VWA8: variants seen among roughly 807,000 people sequenced by gnomAD.
The protein encoded by VWA8 is von Willebrand factor A domain containing 8, also known as von Willebrand factor A domain-containing protein 8.
A neutral mutation model predicts 241.5 loss-of-function variants in VWA8; 221 were observed. The ratio of observed to expected loss-of-function variants is 0.91; its 90% CI spans 0.82 to 1.02. The LOEUF is 1.02. VWA8 is among the 50% of genes least tolerant of loss of function. The pLI, the probability that VWA8 is intolerant of heterozygous loss-of-function variation, is 0.00. For missense variants in VWA8, 2,322 were observed against 2,328.7 expected, an observed-to-expected ratio of 1.00 and a Z score of 0.06; for synonymous variants, 852 against 827.1, an observed-to-expected ratio of 1.03 and a Z score of -0.52.
At chr13:41,609,385 T>A (rs975791735) in intron 39 of VWA8, among the ~76,000 whole-genome samples, 5 of 152,164 alleles carry the variant, frequency 3.3e-5, no homozygotes, top group African/African-American at 1.2e-4. Flanking sequence ...TATTGTGAGT[T>A]TGTATTTTTT....
At chr13:41,888,821 A>G (rs1318718113) in intron 5 of VWA8, among the ~76,000 whole-genome samples, 1 of 152,224 alleles carries the variant, frequency 6.6e-6, no homozygotes, top group Non-Finnish European at 1.5e-5. Context: ...AATTTTAAAA[A>G]TAATAATTAT....
intron 2 of VWA8, among the ~76,000 whole-genome samples, chr13:41,944,818 G>C (rs1237346026): frequency 7.0e-6 from 1 of 143,454 alleles, no homozygotes; most frequent in Non-Finnish European, 1.5e-5. Flanking sequence ...CTAACTCGGG[G>C]CATTTGTCAA....
intron 12 of VWA8, among the ~76,000 whole-genome samples, chr13:41,849,742 C>T (rs7991382): frequency 0.061 from 9,321 of 152,044 alleles, 359 homozygotes; most frequent in East Asian, 0.12. Flanking sequence ...CAAAAAGTGG[C>T]CGGGCACGAT....
intron 10 of VWA8, among the ~76,000 whole-genome samples, chr13:41,867,106 T>C (rs993823406): frequency 1.3e-5 from 2 of 152,212 alleles, no homozygotes; most frequent in African/African-American, 4.8e-5. Flanking sequence ...CTAGAGGCAA[T>C]GAGGTTAAAA....
intron 37 of VWA8, among the ~76,000 whole-genome samples, chr13:41,669,956 T>C (rs947292660): frequency 6.6e-6 from 1 of 152,128 alleles, no homozygotes; most frequent in Non-Finnish European, 1.5e-5. Flanking sequence ...TTCAAAAAGA[T>C]TTGAGTTTGA....
intron 40 of VWA8, among the ~76,000 whole-genome samples, chr13:41,591,352 A>G (rs181449225): frequency 1.9e-3 from 289 of 152,364 alleles, no homozygotes; most frequent in Non-Finnish European, 2.9e-3. Context: ...ATAACTTACA[A>G]TTATGCCAGA....
intron 12 of VWA8, among the ~76,000 whole-genome samples, chr13:41,854,150 T>G (rs1484720770): frequency 6.6e-6 from 1 of 152,264 alleles, no homozygotes; most frequent in South Asian, 2.1e-4. Context: ...CATCCATGTT[T>G]TAGTCAACAA....
chr13:41,711,878 A>C (rs77827542), intron 26 of VWA8, among the ~76,000 whole-genome samples: 1,441 of 137,812 alleles, frequency 0.01, 7 homozygotes, highest in Non-Finnish European at 0.014. Flanking sequence ...TGTCTCAAAC[A>C]AAAAAAAAAG....
At chr13:41,589,793 C>G (rs2044442683) in intron 41 of VWA8, among the ~76,000 whole-genome samples, 1 of 152,178 alleles carries the variant, frequency 6.6e-6, no homozygotes, top group South Asian at 2.1e-4. Context: ...CCAACAGACT[C>G]TGTCCCAGGC....
intron 2 of VWA8, among the ~76,000 whole-genome samples, chr13:41,913,400 TACAG>T (rs1425575773): frequency 1.8e-4 from 28 of 152,180 alleles, no homozygotes; most frequent in Non-Finnish European, 1.3e-4. Context: ...TTGCATTTTA[TACAG>T]ACAGACACAG....
chr13:41,836,263 TTTAAGCATTCC>T (rs1420524853), intron 12 of VWA8, among the ~76,000 whole-genome samples: 2 of 152,212 alleles, frequency 1.3e-5, no homozygotes, highest in African/African-American at 4.8e-5. Flanking sequence ...CTTTGTCTAT[TTTAAGCATTCC>T]TATTGGAATT....
intron 2 of VWA8, among the ~76,000 whole-genome samples, chr13:41,938,929 C>T (rs1477861014): frequency 1.3e-5 from 2 of 152,162 alleles, no homozygotes; most frequent in Non-Finnish European, 2.9e-5. Context: ...TTTTTCCATG[C>T]TATCATTTAT....
intron 44 of VWA8, 117 bp downstream of exon 44, chr13:41,570,349 TTC>T (rs1009002320): frequency 2.3e-6 from 2 of 867,172 alleles, no homozygotes; most frequent in African/African-American, 3.4e-5. Flanking sequence ...TAACTTTAGT[TTC>T]TGTTTTTCCT....
chr13:41,738,531 C>A (rs560684356), intron 21 of VWA8, among the ~76,000 whole-genome samples: 3 of 152,234 alleles, frequency 2.0e-5, no homozygotes, highest in Admixed American at 2.0e-4. Context: ...CTTCAAAAGT[C>A]AAAGCCATGC....
At chr13:41,734,467 T>C (rs937990913) in intron 21 of VWA8, among the ~76,000 whole-genome samples, 3 of 152,200 alleles carry the variant, frequency 2.0e-5, no homozygotes, top group Admixed American at 1.3e-4. Context: ...ATGTCCAAGA[T>C]GGAGTTGAAT....
intron 2 of VWA8, among the ~76,000 whole-genome samples, chr13:41,948,191 T>G (rs533752628): frequency 6.6e-6 from 1 of 152,228 alleles, no homozygotes; most frequent in Non-Finnish European, 1.5e-5. Flanking sequence ...GGAATATAAT[T>G]TAGCCATAAA....
chr13:41,688,276 G>T (rs938190396), intron 34 of VWA8, among the ~76,000 whole-genome samples: 3 of 151,790 alleles, frequency 2.0e-5, no homozygotes, highest in Admixed American at 1.3e-4. Context: ...TTAAAATGTT[G>T]AGGCATACAA....
chr13:41,734,446 G>C (rs183816147), intron 21 of VWA8, among the ~76,000 whole-genome samples: 1 of 152,338 alleles, frequency 6.6e-6, no homozygotes, highest in South Asian at 2.1e-4. Flanking sequence ...GGACTGAGGA[G>C]TTGATGGTTT....
At chr13:41,827,951 A>G (rs771490017) in intron 14 of VWA8, among the ~76,000 whole-genome samples, 46 of 152,188 alleles carry the variant, frequency 3.0e-4, no homozygotes, top group Non-Finnish European at 3.8e-4. Context: ...CTATTGCAAA[A>G]TTGCTTTGAT....
Sources: gnomAD v4.1 joint callset for allele counts (sites outside exome capture counted in the v4.1 genomes callset) on GRCh38, gnomAD v4.1.1 for gene constraint, MANE v1.5 for transcripts, NCBI Gene and HGNC (gene_info 2026-07-23, HGNC 2026-07-21) for gene names.